SYT14: variants seen among roughly 807,000 people sequenced by gnomAD.
SYT14 encodes the protein synaptotagmin 14, also known as synaptotagmin-14.
A neutral mutation model predicts 74.2 loss-of-function variants in SYT14; 32 were observed. That is an observed-to-expected ratio of 0.43 (90% confidence interval 0.33 to 0.58). The LOEUF (loss-of-function observed/expected upper bound fraction) is 0.58. SYT14 is among the 20% of genes least tolerant of loss of function. The pLI is 0.05. For missense variants in SYT14, 791 were observed against 981.8 expected, an observed-to-expected ratio of 0.81 and a Z score of 2.60; for synonymous variants, 298 against 337.7, an observed-to-expected ratio of 0.88 and a Z score of 1.29.
intron 5 of SYT14, among the ~76,000 whole-genome samples, chr1:210,044,341 A>C (rs574632629): frequency 4.6e-5 from 7 of 152,258 alleles, no homozygotes; most frequent in African/African-American, 1.7e-4. Context: ...AAATGTAAAG[A>C]CCCTTGTGTT....
chr1:210,163,666 A>G (rs1303169937), exon 10 of SYT14: 1 of 453,644 alleles, frequency 2.2e-6, no homozygotes, highest in Non-Finnish European at 4.4e-6. Flanking sequence ...AGCAAAATAT[A>G]CATTTGTTTC....
chr1:210,115,168 T>C (rs2082334553), intron 7 of SYT14, among the ~76,000 whole-genome samples: 2 of 151,384 alleles, frequency 1.3e-5, no homozygotes, highest in Admixed American at 6.6e-5. Flanking sequence ...GAGTTTGTAT[T>C]GGGGTTAAGC....
At chr1:210,017,679 T>C (rs2102938196) in intron 4 of SYT14, among the ~76,000 whole-genome samples, 1 of 152,288 alleles carries the variant, frequency 6.6e-6, no homozygotes, top group South Asian at 2.1e-4. Context: ...TATTCATGAG[T>C]TCTCTATGTA....
At chr1:210,125,477 G>A (rs1302193786) in intron 7 of SYT14, among the ~76,000 whole-genome samples, 1 of 152,144 alleles carries the variant, frequency 6.6e-6, no homozygotes, top group Non-Finnish European at 1.5e-5. Context: ...CAATGGCCGT[G>A]AAGACTTTCT....
chr1:209,960,127 G>A (rs1027069217), intron 2 of SYT14, among the ~76,000 whole-genome samples: 4 of 152,068 alleles, frequency 2.6e-5, no homozygotes, highest in African/African-American at 7.2e-5. Flanking sequence ...ATATGTCCAA[G>A]TCATATTAAC....
intron 2 of SYT14, among the ~76,000 whole-genome samples, chr1:209,962,270 T>TTATA (rs35762549): frequency 6.6e-6 from 1 of 150,936 alleles, no homozygotes; most frequent in Non-Finnish European, 1.5e-5. Flanking sequence ...TATCTTTTTT[T>TTATA]TATATATATA....
At chr1:210,150,980 AT>A (rs1184910201) in intron 7 of SYT14, among the ~76,000 whole-genome samples, 3 of 152,178 alleles carry the variant, frequency 2.0e-5, no homozygotes, top group Non-Finnish European at 4.4e-5. Context: ...TTAACCACTA[AT>A]TCTGGTTATG....
At chr1:210,157,975 TA>T (rs2083301522) in intron 8 of SYT14, among the ~76,000 whole-genome samples, 1 of 152,166 alleles carries the variant, frequency 6.6e-6, no homozygotes, top group Non-Finnish European at 1.5e-5. Flanking sequence ...TCTGAAGGCT[TA>T]AATTCATATT....
At position 210,094,307 on chromosome 1, in the gene SYT14, C is replaced by T; in HGVS notation, c.1313-15C>T. 1 of 1,613,690 alleles carries T rather than the reference C, an allele frequency of 6.2e-7. No individual in the cohort carries two copies. Among genetic ancestry groups the T allele is most frequent in the African/African-American group, 1.3e-5 (1 of 75,010 alleles). On this transcript the variant is annotated splice_polypyrimidine_tract_variant and intron_variant, in intron 5 of 9. Coordinates refer to ENST00000637265, the Ensembl canonical transcript of SYT14. ...GCTAATTGGAAACAGTGACCAGATT[C>T]TTAATCATTATCAGGAAACTGCATT...
At chr1:210,167,172 G>C (rs376846400) in exon 10 of SYT14, 2 of 152,124 alleles carry the variant, frequency 1.3e-5, no homozygotes, top group South Asian at 4.1e-4. Context: ...AATGAAATAA[G>C]ACTGACCTTT....
At chr1:210,121,971 CTT>C (rs752880685) in intron 7 of SYT14, among the ~76,000 whole-genome samples, 1 of 54,504 alleles carries the variant, frequency 1.8e-5, no homozygotes. Context: ...AATCCTGAAA[CTT>C]TTTTTTTTTT....
chr1:209,949,740 G>T (rs2102670659), intron 1 of SYT14, among the ~76,000 whole-genome samples: 1 of 152,220 alleles, frequency 6.6e-6, no homozygotes, highest in African/African-American at 2.4e-5. Flanking sequence ...AATAGTGATT[G>T]CTTTTGAGTT....
intron 2 of SYT14, among the ~76,000 whole-genome samples, chr1:209,982,521 A>G (rs184814963): frequency 6.6e-6 from 1 of 152,262 alleles, no homozygotes; most frequent in African/African-American, 2.4e-5. Context: ...ATTTTTTTTA[A>G]TAACTCATTT....
At chr1:209,982,636 T>G (rs2079506372) in intron 2 of SYT14, among the ~76,000 whole-genome samples, 1 of 152,180 alleles carries the variant, frequency 6.6e-6, no homozygotes, top group South Asian at 2.1e-4. Flanking sequence ...TTGGCAATTA[T>G]GAATAAAGCT....
At chr1:210,002,510 A>G (rs1469942070) in intron 2 of SYT14, among the ~76,000 whole-genome samples, 1 of 151,920 alleles carries the variant, frequency 6.6e-6, no homozygotes, top group African/African-American at 2.4e-5. Context: ...ATAATTTTCT[A>G]GTGTATGACT....
exon 10 of SYT14, chr1:210,160,873 C>T (rs1186520186): frequency 6.2e-7 from 1 of 1,613,854 alleles, no homozygotes; most frequent in Non-Finnish European, 8.5e-7. Flanking sequence ...TCTGATGTGA[C>T]ACTCATACTG....
intron 2 of SYT14, among the ~76,000 whole-genome samples, chr1:210,010,711 AAT>A (rs1199901140): frequency 6.6e-6 from 1 of 152,190 alleles, no homozygotes; most frequent in Non-Finnish European, 1.5e-5. Flanking sequence ...GGAACGTAGA[AAT>A]AAGGATTGAG....
chr1:210,161,141 G>T (rs1471837627), exon 10 of SYT14: 3 of 1,328,184 alleles, frequency 2.3e-6, no homozygotes, highest in Middle Eastern at 1.8e-4. Context: ...GTTCTTTGAA[G>T]AATCATATTC....
chr1:210,063,989 C>T (rs1489400160), intron 5 of SYT14, among the ~76,000 whole-genome samples: 1 of 151,898 alleles, frequency 6.6e-6, no homozygotes, highest in Non-Finnish European at 1.5e-5. Flanking sequence ...GCTGACAATG[C>T]TTTCATATTT....
Sources: allele counts gnomAD v4.1 joint callset (sites outside exome capture counted in the v4.1 genomes callset), GRCh38; gene constraint gnomAD v4.1.1; transcripts MANE v1.5; gene names NCBI Gene and HGNC (gene_info 2026-07-23, HGNC 2026-07-21).